The following PLA2G5 variants were observed in gnomAD, a reference collection of about 807,000 sequenced individuals.
The protein encoded by PLA2G5 is Ca2+-dependent phospholipase A2.
Under a neutral mutation model 15.9 loss-of-function variants are expected in PLA2G5, and 12 were observed. The ratio of observed to expected loss-of-function variants is 0.76; its 90% CI spans 0.48 to 1.23. PLA2G5 has a LOEUF of 1.23. Among genes scored for constraint, PLA2G5 ranks in the 50% most tolerant of loss-of-function variants. The pLI is 0.00. For synonymous variants in PLA2G5, 71 were observed against 71.4 expected, an observed-to-expected ratio of 0.99 and a Z score of 0.03; for missense variants, 169 against 177.1, an observed-to-expected ratio of 0.95 and a Z score of 0.26.
chr1:20,061,380 T>C (rs1042571268), intron 2 of PLA2G5, among the ~76,000 whole-genome samples: 1 of 151,542 alleles, frequency 6.6e-6, no homozygotes, highest in Non-Finnish European at 1.5e-5. Flanking sequence ...AGCTCAGGAG[T>C]TCGAGATCAG....
chr1:20,047,718 T>G (rs2100384018), intron 1 of PLA2G5, among the ~76,000 whole-genome samples: 1 of 147,546 alleles, frequency 6.8e-6, no homozygotes, highest in Non-Finnish European at 1.5e-5. Flanking sequence ...TATAGGATCT[T>G]TGTGTGTGTG....
intron 1 of PLA2G5, among the ~76,000 whole-genome samples, chr1:20,078,295 C>G (rs2015808430): frequency 6.6e-6 from 1 of 152,144 alleles, no homozygotes; most frequent in Admixed American, 6.6e-5. Flanking sequence ...GAAGGGCAGC[C>G]TTCTCTGTTT....
At chr1:20,078,596 A>T (rs1183979140) in intron 1 of PLA2G5, among the ~76,000 whole-genome samples, 1 of 152,136 alleles carries the variant, frequency 6.6e-6, no homozygotes, top group African/African-American at 2.4e-5. Flanking sequence ...GTTCTGTCTC[A>T]TTCACCGTGG....
chr1:20,085,997 G>A (rs2016267398), intron 2 of PLA2G5, 86 bp from the exon 3 acceptor site: 3 of 1,420,132 alleles, frequency 2.1e-6, no homozygotes, highest in Non-Finnish European at 2.9e-6. Context: ...CCCTGGGTGG[G>A]AGAAAGGGTA....
chr1:20,075,932 C>T (rs529397384), intron 1 of PLA2G5, among the ~76,000 whole-genome samples: 18 of 141,194 alleles, frequency 1.3e-4, no homozygotes, highest in Admixed American at 3.0e-4. Flanking sequence ...TGTGCAGTGG[C>T]GCAACCTCGG....
chr1:20,071,115 G>A (rs1296141379), intron 1 of PLA2G5, among the ~76,000 whole-genome samples: 1 of 152,186 alleles, frequency 6.6e-6, no homozygotes, highest in Admixed American at 6.5e-5. Flanking sequence ...GCTGGGCACA[G>A]GTGTGAGTCA....
At chr1:20,044,702 C>T (rs538919652) in intron 1 of PLA2G5, among the ~76,000 whole-genome samples, 5 of 151,962 alleles carry the variant, frequency 3.3e-5, no homozygotes, top group Non-Finnish European at 5.9e-5. Flanking sequence ...AAACTGTAAG[C>T]CAGACTGGGT....
chr1:20,064,179 A>G (rs541432181), intron 2 of PLA2G5, among the ~76,000 whole-genome samples: 11 of 152,350 alleles, frequency 7.2e-5, no homozygotes, highest in African/African-American at 2.6e-4. Context: ...ATGACTCAGG[A>G]TGAAACATCA....
At chr1:20,085,071 G>A (rs751415637) in intron 2 of PLA2G5, among the ~76,000 whole-genome samples, 9 of 152,154 alleles carry the variant, frequency 5.9e-5, no homozygotes, top group South Asian at 2.1e-4. Flanking sequence ...CAGTCCATGC[G>A]TAAGGCTGTG....
chr1:20,053,319 A>C (rs1272912702), intron 1 of PLA2G5, among the ~76,000 whole-genome samples: 1 of 152,158 alleles, frequency 6.6e-6, no homozygotes, highest in Non-Finnish European at 1.5e-5. Flanking sequence ...CTGATAATCC[A>C]TACCTCTGTG....
chr1:20,030,395 G>A lies in PLA2G5; in HGVS notation n.276+1686G>A, dbSNP rs191976764. ...TGACTTTACACAAGCATCTCAGTGC[G>A]GTAAAGAGCAGTATTGCCACCAGCA... On this transcript the variant is annotated intron_variant and non_coding_transcript_variant, in intron 1 of 6. Coordinates refer to the PLA2G5 transcript ENST00000460175. Among the ~76,000 whole-genome samples the A allele has an allele frequency of 2.3e-3, 356 of 152,100 alleles. 2 individuals carry two copies. Among genetic ancestry groups the A allele is most frequent in the African/African-American group, 7.3e-3 (303 of 41,472 alleles).
chr1:20,084,768 G>A, intron 1 of PLA2G5, 53 bp from the exon 2 acceptor site: 1 of 1,232,642 alleles, frequency 8.1e-7, no homozygotes, highest in South Asian at 1.2e-5. Context: ...ATCTGAATGG[G>A]CCACGGGGGC....
chr1:20,038,445 A>G (rs1446962139), intron 1 of PLA2G5, among the ~76,000 whole-genome samples: 2 of 152,176 alleles, frequency 1.3e-5, no homozygotes, highest in Non-Finnish European at 2.9e-5. Context: ...AGGAATGCCC[A>G]CAGGACTCTT....
Position 20,091,434 on chromosome 1 carries a change from G to C in PLA2G5, c.*742G>C, listed in dbSNP as rs1418210990. Among the ~76,000 whole-genome samples the C allele has an allele frequency of 2.0e-5, 3 of 152,216 alleles. No individual in the cohort carries two copies. The highest frequency in any genetic ancestry group is 4.4e-5 in the Non-Finnish European group (3 of 68,028). ...TGCCAGCTTCAGCTTCCAGGCCAGA[G>C]AGGGTGGCATTCAAATCCCAGTGCT... On this transcript the variant is annotated 3_prime_UTR_variant, in exon 5 of 5. Coordinates refer to ENST00000375108, the MANE Select transcript of PLA2G5 (RefSeq NM_000929.3).
upstream of PLA2G5, among the ~76,000 whole-genome samples, chr1:20,068,034 G>A (rs1055334462): frequency 3.3e-5 from 5 of 151,428 alleles, no homozygotes; most frequent in East Asian, 2.0e-4. Context: ...CAGCAGAATC[G>A]CTTGAACCTG....
At chr1:20,063,323 A>C (rs1309406621) in intron 2 of PLA2G5, among the ~76,000 whole-genome samples, 2 of 152,194 alleles carry the variant, frequency 1.3e-5, no homozygotes, top group African/African-American at 4.8e-5. Context: ...GAGTCTATCA[A>C]ACTGCAGTAA....
rs1400684060 is a variant in PLA2G5, at chr1:20,086,168, C to T, written c.126C>T (p.Gly42=). The T allele has an allele frequency of 8.7e-6, 14 of 1,614,020 alleles. No individual in the cohort carries two copies. Among genetic ancestry groups the T allele is most frequent in the Non-Finnish European group, 1.2e-5 (14 of 1,180,008 alleles). ...GGAAGAACGCCCTGACAAACTACGG[C>T]TTCTACGGCTGTTACTGCGGCTGGG... is the stretch of plus-strand genomic sequence containing the variant. ...VTGKNALTNY[G]FYGCYCGWGG... The change falls in exon 3 of 5, where the codon GGC becomes GGT. Residue 42 remains glycine (G), a synonymous_variant. Coordinates refer to ENST00000375108, the MANE Select transcript of PLA2G5 (RefSeq NM_000929.3).
chr1:20,082,481 C>G (rs996573740), intron 1 of PLA2G5, among the ~76,000 whole-genome samples: 9 of 151,912 alleles, frequency 5.9e-5, no homozygotes, highest in Non-Finnish European at 1.3e-4. Flanking sequence ...GCCCACTCAC[C>G]CAGCTCCTGA....
intron 2 of PLA2G5, among the ~76,000 whole-genome samples, chr1:20,060,796 G>A (rs908568914): frequency 1.4e-5 from 2 of 147,392 alleles, no homozygotes; most frequent in Non-Finnish European, 3.0e-5. Flanking sequence ...GTGCAATGGC[G>A]CACCTCTGCC....
Sources: gnomAD v4.1 joint callset for allele counts (sites outside exome capture counted in the v4.1 genomes callset) on GRCh38, gnomAD v4.1.1 for gene constraint, MANE v1.5 for transcripts, NCBI Gene and HGNC (gene_info 2026-07-23, HGNC 2026-07-21) for gene names.